TMEM45A: variants seen among roughly 807,000 people sequenced by gnomAD.
TMEM45A encodes the protein DNA polymerase-transactivated protein 4.
In TMEM45A, 25 loss-of-function variants were observed where a neutral mutation model predicts 32.0. That is an observed-to-expected ratio of 0.78 (90% confidence interval 0.57 to 1.09). The LOEUF is 1.09. Ranked by LOEUF, TMEM45A falls within the 50% of genes least tolerant of loss-of-function variation. The pLI, the probability that TMEM45A is intolerant of heterozygous loss-of-function variation, is 0.00. For missense variants in TMEM45A, 302 were observed against 325.0 expected, an observed-to-expected ratio of 0.93 and a Z score of 0.54; for synonymous variants, 122 against 114.8, an observed-to-expected ratio of 1.06 and a Z score of -0.40.
intron 4 of TMEM45A, among the ~76,000 whole-genome samples, chr3:100,564,849 G>C: frequency 6.6e-6 from 1 of 152,186 alleles, no homozygotes; most frequent in East Asian, 1.9e-4. Flanking sequence ...TGTGGCTCAA[G>C]GGCAACAGTC....
intron 1 of TMEM45A, among the ~76,000 whole-genome samples, chr3:100,528,678 C>CT (rs1279862760): frequency 5.3e-5 from 8 of 151,974 alleles, no homozygotes; most frequent in African/African-American, 1.4e-4. Flanking sequence ...GCTCAGCTCT[C>CT]TTTTTTTTAA....
intron 1 of TMEM45A, among the ~76,000 whole-genome samples, chr3:100,509,127 C>T (rs552648579): frequency 5.9e-5 from 9 of 152,060 alleles, no homozygotes; most frequent in African/African-American, 1.9e-4. Flanking sequence ...AAAAAAAATC[C>T]CATCAGATAT....
At chr3:100,555,959 G>A (rs746833921) in intron 2 of TMEM45A, among the ~76,000 whole-genome samples, 11 of 152,250 alleles carry the variant, frequency 7.2e-5, no homozygotes, top group South Asian at 2.1e-4. Context: ...AGACTAGATC[G>A]TCTGCTGTAT....
At chr3:100,498,962 A>G (rs1243919357) in intron 1 of TMEM45A, among the ~76,000 whole-genome samples, 1 of 152,054 alleles carries the variant, frequency 6.6e-6, no homozygotes, top group Non-Finnish European at 1.5e-5. Context: ...TTTGATTTGC[A>G]TTTCCCTAAT....
At chr3:100,520,764 C>T (rs1705423055) in intron 1 of TMEM45A, among the ~76,000 whole-genome samples, 1 of 152,174 alleles carries the variant, frequency 6.6e-6, no homozygotes, top group Non-Finnish European at 1.5e-5. Context: ...CTGCCTTCAC[C>T]ATTTCCTGAC....
At chr3:100,545,749 C>CT (rs1705968637) in intron 1 of TMEM45A, among the ~76,000 whole-genome samples, 1 of 152,156 alleles carries the variant, frequency 6.6e-6, no homozygotes, top group Non-Finnish European at 1.5e-5. Flanking sequence ...ACTTCTGTGT[C>CT]TGTCTTCTTT....
Position 100,577,124 on chromosome 3 carries a change from C to T in TMEM45A, c.*106C>T. ...GGAGAACAGCTGGCTAAGGATGACT[C>T]TAAGTGTACTGTTTGCATTTCCAAT... On this transcript the variant is annotated 3_prime_UTR_variant, in exon 6 of 6. Coordinates refer to ENST00000323523, the MANE Select transcript of TMEM45A (RefSeq NM_018004.3). The T allele has an allele frequency of 1.2e-6, 1 of 809,642 alleles. No homozygotes were observed. Among genetic ancestry groups the T allele is most frequent in the African/African-American group, 1.8e-5 (1 of 57,110 alleles). The allele number at this position is 809,642 out of a possible 1,614,324, so 50.2% of individuals were successfully genotyped here. A position where few individuals can be genotyped will look rare whatever the true frequency, so the allele number is the denominator to read the frequency against.
At chr3:100,526,420 A>G (rs1705545655) in intron 1 of TMEM45A, among the ~76,000 whole-genome samples, 1 of 152,206 alleles carries the variant, frequency 6.6e-6, no homozygotes, top group Admixed American at 6.5e-5. Context: ...GCTAAGGGCC[A>G]CTACCTCCCA....
chr3:100,532,285 G>C (rs1254165418), intron 1 of TMEM45A, among the ~76,000 whole-genome samples: 1 of 152,180 alleles, frequency 6.6e-6, no homozygotes, highest in Non-Finnish European at 1.5e-5. Flanking sequence ...GAAGCACTTG[G>C]CTCCTTCTGC....
intron 2 of TMEM45A, among the ~76,000 whole-genome samples, chr3:100,555,681 C>T (rs1266966378): frequency 6.6e-6 from 1 of 152,112 alleles, no homozygotes; most frequent in Non-Finnish European, 1.5e-5. Context: ...GGCCAGATGA[C>T]TTCTAAGGCC....
At chr3:100,563,163 C>T (rs1706368430) in intron 4 of TMEM45A, among the ~76,000 whole-genome samples, 1 of 152,202 alleles carries the variant, frequency 6.6e-6, no homozygotes, top group Admixed American at 6.5e-5. Flanking sequence ...CTTGGCATTC[C>T]TTGGCTTGTG....
At chr3:100,560,656 T>C (rs1045775767) in intron 4 of TMEM45A, among the ~76,000 whole-genome samples, 4 of 152,204 alleles carry the variant, frequency 2.6e-5, no homozygotes, top group Non-Finnish European at 5.9e-5. Flanking sequence ...CAAAGGAAAG[T>C]ATATCCTCTG....
intron 1 of TMEM45A, among the ~76,000 whole-genome samples, chr3:100,543,625 A>G (rs562362167): frequency 6.6e-6 from 1 of 152,268 alleles, no homozygotes. Context: ...TTATTGGACA[A>G]TTAGTGTTTT....
chr3:100,539,296 C>T (rs1455521937), intron 1 of TMEM45A, among the ~76,000 whole-genome samples: 1 of 152,044 alleles, frequency 6.6e-6, no homozygotes, highest in Admixed American at 6.6e-5. Context: ...AATTTACCCA[C>T]ATAATACAGT....
Position 100,577,179 on chromosome 3 carries a change from T to A in TMEM45A, c.*161T>A, listed in dbSNP as rs1443756089. 1 of 557,930 alleles carries A rather than the reference T, an allele frequency of 1.8e-6. No homozygotes were observed. Among genetic ancestry groups the A allele is most frequent in the Non-Finnish European group, 3.0e-6 (1 of 330,676 alleles). The allele number at this position is 557,930 out of a possible 1,614,324, so 34.6% of individuals were successfully genotyped here. ...TTAAAGTATTTGAATTTAAATATTTTCTTTTTAGCTTTGAAAATATTTTGG... is the reference window on the plus strand; with the variant it reads ...TTAAAGTATTTGAATTTAAATATTTACTTTTTAGCTTTGAAAATATTTTGG... On this transcript the variant is annotated 3_prime_UTR_variant, in exon 6 of 6. Coordinates refer to ENST00000323523, the MANE Select transcript of TMEM45A (RefSeq NM_018004.3).
intron 4 of TMEM45A, among the ~76,000 whole-genome samples, chr3:100,567,352 T>G (rs915451763): frequency 6.6e-6 from 1 of 151,948 alleles, no homozygotes; most frequent in African/African-American, 2.4e-5. Context: ...TCAATTTTAT[T>G]TCATTGATCT....
intron 5 of TMEM45A, among the ~76,000 whole-genome samples, chr3:100,576,460 A>G (rs1706687931): frequency 6.6e-6 from 1 of 152,018 alleles, no homozygotes; most frequent in Non-Finnish European, 1.5e-5. Flanking sequence ...CCGTTTAAAA[A>G]AAAATAATAA....
At chr3:100,540,261 A>G (rs1301500380) in intron 1 of TMEM45A, among the ~76,000 whole-genome samples, 1 of 152,210 alleles carries the variant, frequency 6.6e-6, no homozygotes, top group Admixed American at 6.5e-5. Context: ...GAATGAAAAG[A>G]CAAACCACAG....
intron 1 of TMEM45A, among the ~76,000 whole-genome samples, chr3:100,504,113 C>T (rs78976407): frequency 0.013 from 1,939 of 152,158 alleles, 29 homozygotes; most frequent in African/African-American, 0.043. Flanking sequence ...AACACTGTCT[C>T]CTCTGTGCCT....
Sources: allele counts gnomAD v4.1 joint callset (sites outside exome capture counted in the v4.1 genomes callset), GRCh38; gene constraint gnomAD v4.1.1; transcripts MANE v1.5; gene names NCBI Gene and HGNC (gene_info 2026-07-23, HGNC 2026-07-21).